The following PUS7L variants were observed in gnomAD, a reference collection of about 807,000 sequenced individuals.
The protein encoded by PUS7L is pseudouridine synthase 7 like.
PUS7L carries 49 observed loss-of-function variants against 51.1 expected under a neutral mutation model. The ratio of observed to expected loss-of-function variants is 0.96; its 90% CI spans 0.76 to 1.22. The LOEUF (loss-of-function observed/expected upper bound fraction) is 1.22, where lower values mean the gene tolerates loss of function less well. PUS7L is among the 50% of genes most tolerant of loss of function. The pLI is 0.00. For synonymous variants in PUS7L, 277 were observed against 276.2 expected (o/e 1.00, Z -0.03); for missense variants, 828 against 820.6 (o/e 1.01, Z -0.11).
intron 2 of PUS7L, among the ~76,000 whole-genome samples, chr12:43,752,536 G>A (rs547111118): frequency 1.3e-5 from 2 of 152,158 alleles, no homozygotes; most frequent in Non-Finnish European, 1.5e-5. Flanking sequence ...CACCTACCAT[G>A]GGGTATTATT....
rs932457198 is a variant in PUS7L at position 43,758,520 on chromosome 12, G to C, written c.-17+210C>G. The C allele has an allele frequency of 6.1e-6, 6 of 985,672 alleles. No individual in the cohort carries two copies. In the African/African-American group the frequency reaches 1.0e-4, roughly 17 times the overall value. 61.1% of individuals were successfully genotyped at this position (985,672 alleles called of 1,614,324 possible). A position where few individuals can be genotyped will look rare whatever the true frequency, so the allele number is the denominator to read the frequency against. On this transcript the variant is annotated intron_variant, in intron 1 of 8. Transcript: ENST00000344862. ...TCGTTGCCCTCCAGCACGTCCAAAG[G>C]TGTCCCCGACAAGGCCAGCAGCTCT...
chr12:43,719,983 G>A lies in PUS7L; in HGVS notation c.*10393C>T, dbSNP rs917641715. On this transcript the variant is annotated 3_prime_UTR_variant, in exon 9 of 9. Transcript: ENST00000344862. ...AAGTTATCCTTTCCTTCTTTCTTTT[G>A]ATGTTCTACTTGATGTCATTTTCCT... The A allele has an allele frequency of 1.3e-5, 2 of 151,744 alleles. No individual in the cohort carries two copies. Among genetic ancestry groups the A allele is most frequent in the Admixed American group, 1.3e-4 (2 of 15,216 alleles). 9.4% of individuals were successfully genotyped at this position (151,744 alleles called of 1,614,324 possible). A position where few individuals can be genotyped will look rare whatever the true frequency, so the allele number is the denominator to read the frequency against.
At position 43,721,594 on chromosome 12, in the gene PUS7L, C is replaced by G. The variant is rs1944397567; in HGVS notation, c.*8782G>C. 1 of 152,086 alleles carries G rather than the reference C, an allele frequency of 6.6e-6. No individual in the cohort carries two copies. Among genetic ancestry groups the G allele is most frequent in the Non-Finnish European group, 1.5e-5 (1 of 68,004 alleles). 9.4% of individuals were successfully genotyped at this position (152,086 alleles called of 1,614,324 possible). A position where few individuals can be genotyped will look rare whatever the true frequency, so the allele number is the denominator to read the frequency against. On this transcript the variant is annotated 3_prime_UTR_variant, in exon 9 of 9. Transcript: ENST00000344862. ...TGCCAGAGGTATAAAGATCAATGCT[C>G]TTGAATAATTCACAGTAGATGATCC...
chr12:43,753,341 A>C (rs1274507387), intron 2 of PUS7L, among the ~76,000 whole-genome samples: 1 of 152,156 alleles, frequency 6.6e-6, no homozygotes, highest in Non-Finnish European at 1.5e-5. Context: ...TATTCTTCCC[A>C]TTTTTACATT....
In PUS7L at chr12:43,727,168, T is replaced by C. The variant is rs774766346; in HGVS notation, c.*3208A>G. ...CTCACACCAGTCAGAATGGCTGTTA[T>C]TAAAAAGTCAAAAAATAACAGATGT... On this transcript the variant is annotated 3_prime_UTR_variant, in exon 9 of 9. Coordinates refer to ENST00000344862, the MANE Select transcript of PUS7L (RefSeq NM_031292.5). The C allele has an allele frequency of 2.6e-5, 4 of 152,128 alleles. No individual in the cohort carries two copies. Among genetic ancestry groups the C allele is most frequent in the African/African-American group, 7.2e-5 (3 of 41,422 alleles). The allele number at this position is 152,128 out of a possible 1,614,324, so 9.4% of individuals were successfully genotyped here.
chr12:43,742,389 A>C (rs776617412), intron 5 of PUS7L, 68 bp downstream of exon 5: 4 of 1,069,368 alleles, frequency 3.7e-6, no homozygotes, highest in Non-Finnish European at 5.6e-6. Context: ...TAAGAAAGCA[A>C]GGAGCTGGGT....
At position 43,738,467 on chromosome 12, in the gene PUS7L, C is replaced by T. The variant is rs578116883; in HGVS notation, c.1363-76G>A. The stretch of plus-strand genomic sequence containing the variant: ...TTCTTTAAAAAAAGATGCAAATTCT[C>T]TAGCATCCTAAAAGAATAGGGATTT... On this transcript the variant is annotated intron_variant, in intron 5 of 8. Transcript: ENST00000344862. 159 of 777,882 alleles carry T rather than the reference C, an allele frequency of 2.0e-4. No individual in the cohort carries two copies. In the African/African-American group the frequency reaches 2.5e-3, roughly 12 times the overall value. The allele number at this position is 777,882 out of a possible 1,614,324, so 48.2% of individuals were successfully genotyped here.
intron 3 of PUS7L, among the ~76,000 whole-genome samples, chr12:43,746,989 C>A (rs1938203966): frequency 6.6e-6 from 1 of 152,210 alleles, no homozygotes; most frequent in Non-Finnish European, 1.5e-5. Flanking sequence ...CACTATCCTG[C>A]ACTTCTTGAC....
rs1324791078 is a variant in PUS7L at position 43,724,489 on chromosome 12, T to G, written c.*5887A>C. 6.6e-6 allele frequency: 1 copy of G among 152,148 alleles called. No homozygotes were observed. Among genetic ancestry groups the G allele is most frequent in the African/African-American group, 2.4e-5 (1 of 41,458 alleles). 9.4% of individuals were successfully genotyped at this position (152,148 alleles called of 1,614,324 possible). ...GCTAGGCACCAGACATTGTTCTTAG[T>G]GTTTCATAAGACTTGCTAAAATCAA... On this transcript the variant is annotated 3_prime_UTR_variant, in exon 9 of 9. Transcript: ENST00000344862.
At chr12:43,747,486 G>A (rs1938225122) in intron 3 of PUS7L, among the ~76,000 whole-genome samples, 1 of 152,108 alleles carries the variant, frequency 6.6e-6, no homozygotes, top group South Asian at 2.1e-4. Context: ...CTGAAGTCAG[G>A]AGTTCGAGAC....
intron 4 of PUS7L, 44 bp downstream of exon 4, chr12:43,746,002 A>T (rs11182246): frequency 0.14 from 125,650 of 867,604 alleles, 13,987 homozygotes; most frequent in African/African-American, 0.51. Flanking sequence ...AGAAAGAGAC[A>T]ATGAAGATTT....
chr12:43,757,009 C>T (rs75304527), intron 1 of PUS7L, among the ~76,000 whole-genome samples: 19 of 152,306 alleles, frequency 1.2e-4, no homozygotes, highest in Non-Finnish European at 2.5e-4. Context: ...TACCTTTACC[C>T]CATTACCCAC....
At chr12:43,754,312 A>C in intron 2 of PUS7L, 24 bp downstream of exon 2, 6 of 1,446,070 alleles carry the variant, frequency 4.1e-6, no homozygotes, top group Non-Finnish European at 5.7e-6. Context: ...ATCCAAGAAA[A>C]TGGATGATGA....
In PUS7L at chr12:43,731,757, A is replaced by G. The variant is rs1364210656; in HGVS notation, c.1727T>C (p.Ile576Thr). Reference sequence around the variant, plus strand: ...TCCCTCCTCTTCAGTTACCAGGTGAATCTAGTTTTAAAAAACATGAAAATA... The same window carrying G: ...TCCCTCCTCTTCAGTTACCAGGTGAGTCTAGTTTTAAAAAACATGAAAATA... ...IDDENFPNSK[I>T]HLVTEEEGSA... The change falls in exon 8 of 9, where the codon ATT becomes ACT. Residue 576 changes from isoleucine to threonine, a missense_variant and splice_region_variant. By Grantham distance (89) the Ile-to-Thr change is moderately conservative. Coordinates refer to ENST00000344862, the MANE Select transcript of PUS7L (RefSeq NM_031292.5). 6.4e-7 allele frequency: 1 copy of G among 1,563,570 alleles called. No individual in the cohort carries two copies. Among genetic ancestry groups the G allele is most frequent in the Non-Finnish European group, 8.8e-7 (1 of 1,141,630 alleles).
In PUS7L at chr12:43,729,005, T is replaced by C; in HGVS notation, c.*1371A>G. ...AATCACTATGCTAACATGTCTCTTA[T>C]TTGTGAAAGATGAATTCAGAGTATT... On this transcript the variant is annotated 3_prime_UTR_variant, in exon 9 of 9. Coordinates refer to ENST00000344862, the MANE Select transcript of PUS7L (RefSeq NM_031292.5). 1 of 365,696 alleles carries C rather than the reference T, an allele frequency of 2.7e-6. No individual in the cohort carries two copies. 22.7% of individuals were successfully genotyped at this position (365,696 alleles called of 1,614,324 possible).
intron 7 of PUS7L, 66 bp downstream of exon 7, chr12:43,736,315 C>G: frequency 7.4e-7 from 1 of 1,356,536 alleles, no homozygotes; most frequent in Non-Finnish European, 1.0e-6. Flanking sequence ...ATAATCAGGG[C>G]TTTTGAAAAA....
intron 6 of PUS7L, among the ~76,000 whole-genome samples, chr12:43,737,025 T>C (rs1944710582): frequency 6.6e-6 from 1 of 152,212 alleles, no homozygotes; most frequent in African/African-American, 2.4e-5. Context: ...ATTGCTGAGC[T>C]AGCAGAGGCT....
At position 43,730,617 on chromosome 12, in the gene PUS7L, C is replaced by A. The variant is rs1944530098; in HGVS notation, c.1865G>T (p.Gly622Val). Reference sequence around the variant, plus strand: ...TACTTTAAACCTACATGTCTGTAGTCCATCTCTGCTAAGTATGTCATGGTA... The same window carrying A: ...TACTTTAAACCTACATGTCTGTAGTACATCTCTGCTAAGTATGTCATGGTA... ...QWYHDILSRDGLQTCRFKVPT... is the reference protein window; with the variant it reads ...QWYHDILSRDVLQTCRFKVPT... The change falls in exon 9 of 9, where the codon GGA (glycine) becomes GTA (valine). Residue 622 changes from glycine (G) to valine (V), a missense_variant. Physicochemically the swap from Gly to Val is moderately radical, Grantham distance 109. Coordinates refer to ENST00000344862, the MANE Select transcript of PUS7L (RefSeq NM_031292.5). 5.6e-6 allele frequency: 9 copies of A among 1,613,640 alleles called. No individual in the cohort carries two copies. The highest frequency in any genetic ancestry group is 6.8e-6 in the Non-Finnish European group (8 of 1,179,680).
Position 43,724,240 on chromosome 12 carries a change from T to C in PUS7L, c.*6136A>G, listed in dbSNP as rs895678063. 1.3e-5 allele frequency: 2 copies of C among 151,928 alleles called. No homozygotes were observed. Among genetic ancestry groups the C allele is most frequent in the African/African-American group, 4.8e-5 (2 of 41,402 alleles). The allele number at this position is 151,928 out of a possible 1,614,324, so 9.4% of individuals were successfully genotyped here. A position where few individuals can be genotyped will look rare whatever the true frequency, so the allele number is the denominator to read the frequency against. ...TGACCTAGACAGCTCTTAAAGATCCTAATTTGAATGAACTACTGAATCCCC... is the reference window on the plus strand; with the variant it reads ...TGACCTAGACAGCTCTTAAAGATCCCAATTTGAATGAACTACTGAATCCCC... On this transcript the variant is annotated 3_prime_UTR_variant, in exon 9 of 9. Coordinates refer to ENST00000344862, the MANE Select transcript of PUS7L (RefSeq NM_031292.5).
Sources: gnomAD v4.1 joint callset for allele counts (sites outside exome capture counted in the v4.1 genomes callset) on GRCh38, gnomAD v4.1.1 for gene constraint, MANE v1.5 for transcripts, NCBI Gene and HGNC (gene_info 2026-07-23, HGNC 2026-07-21) for gene names.